Variants in ZNF800 observed in about 807,000 individuals in gnomAD.
The protein encoded by ZNF800 is zinc finger protein 800.
In ZNF800, 13 loss-of-function variants were observed where a neutral mutation model predicts 59.5. The observed-to-expected ratio is 0.22, with a 90% CI of 0.14 to 0.35. The LOEUF (loss-of-function observed/expected upper bound fraction) is 0.35, where lower values mean the gene tolerates loss of function less well. ZNF800 is among the 10% of genes least tolerant of loss of function. ZNF800 has a pLI of 1.00. For synonymous variants in ZNF800, 266 were observed against 265.7 expected, an observed-to-expected ratio of 1.00 and a Z score of -0.01; for missense variants, 621 against 783.7, an observed-to-expected ratio of 0.79 and a Z score of 2.48.
intron 3 of ZNF800, among the ~76,000 whole-genome samples, chr7:127,379,838 C>CCCCCCCCCCCCCCCCCCCG (rs1800907123): frequency 5.0e-5 from 1 of 20,092 alleles, no homozygotes; most frequent in Non-Finnish European, 9.8e-5. Flanking sequence ...CCCTTGCCAC[C>CCCCCCCCCCCCCCCCCCCG]CCCCCACCCC....
intron 4 of ZNF800, among the ~76,000 whole-genome samples, chr7:127,376,486 A>AT (rs1800790615): frequency 6.6e-6 from 1 of 151,962 alleles, no homozygotes; most frequent in South Asian, 2.1e-4. Flanking sequence ...CATCACACAG[A>AT]GACAATATGC....
chr7:127,367,518 T>C (rs984762730), downstream of ZNF800, among the ~76,000 whole-genome samples: 1 of 152,126 alleles, frequency 6.6e-6, no homozygotes, highest in East Asian at 1.9e-4. Context: ...ATTAGGGACA[T>C]TATGCATGAA....
chr7:127,377,405 T>C lies in ZNF800; in HGVS notation c.158-76A>G, dbSNP rs570397204. On this transcript the variant is annotated intron_variant, in intron 3 of 5. Coordinates refer to ENST00000265827, the MANE Select transcript of ZNF800 (RefSeq NM_176814.5). This position sits in a 1 kb window ranked among gnomAD's most constrained non-coding sequence, Gnocchi z 4.7. ...GCACTTTTAAACTGGACAACCACTG[T>C]TGACAGACCAAAAGTGCAGTTACTC... 2 of 1,258,290 alleles carry C rather than the reference T, an allele frequency of 1.6e-6. No individual in the cohort carries two copies. Among genetic ancestry groups the C allele is most frequent in the South Asian group, 1.5e-5 (1 of 66,032 alleles). The allele number at this position is 1,258,290 out of a possible 1,614,324, so 77.9% of individuals were successfully genotyped here.
intron 1 of ZNF800, chr7:127,360,542 T>G (rs1040303506): frequency 4.6e-5 from 7 of 152,058 alleles, no homozygotes; most frequent in African/African-American, 1.7e-4. Context: ...GTATGCCCAT[T>G]CTCCAAAGAG....
chr7:127,348,416 G>A (rs1800110249), intron 1 of ZNF800, among the ~76,000 whole-genome samples: 1 of 122,386 alleles, frequency 8.2e-6, no homozygotes. Context: ...AAAAAAAAAT[G>A]CCAGAAAAAA....
chr7:127,382,362 T>A (rs1390064963), intron 3 of ZNF800, among the ~76,000 whole-genome samples: 1 of 152,218 alleles, frequency 6.6e-6, no homozygotes, highest in Non-Finnish European at 1.5e-5. Context: ...ATAAAAGATA[T>A]TTAATAAATA....
downstream of ZNF800, among the ~76,000 whole-genome samples, chr7:127,345,965 G>A (rs1800056338): frequency 6.6e-6 from 1 of 152,208 alleles, no homozygotes; most frequent in Non-Finnish European, 1.5e-5. Flanking sequence ...ACTGGAGCAT[G>A]TGTGCAGGGA....
chr7:127,344,712 G>A (rs1201631578), downstream of ZNF800, among the ~76,000 whole-genome samples: 1 of 152,110 alleles, frequency 6.6e-6, no homozygotes, highest in African/African-American at 2.4e-5. Flanking sequence ...ACCGCTCCAA[G>A]TGTGTGTAGG....
intron 1 of ZNF800, among the ~76,000 whole-genome samples, chr7:127,356,480 T>C (rs1800272875): frequency 6.6e-6 from 1 of 152,018 alleles, no homozygotes; most frequent in South Asian, 2.1e-4. Flanking sequence ...TTTGTTACAA[T>C]CCTTCAAACA....
chr7:127,386,103 T>C lies in ZNF800; in HGVS notation c.114A>G (p.Thr38=). 6.2e-7 allele frequency: 1 copy of C among 1,612,162 alleles called. No homozygotes were observed. The highest frequency in any genetic ancestry group is 8.5e-7 in the Non-Finnish European group (1 of 1,178,864). Residue 38 remains threonine, a synonymous_variant, in exon 3 of 6, where the codon ACA becomes ACG. Coordinates refer to ENST00000265827, the MANE Select transcript of ZNF800 (RefSeq NM_176814.5). ...DPPLLQQPLQ[T]SKSGIQQIIE... ...TTATTTGTTGAATACCAGATTTGGA[T>C]GTCTGTAGTGGTTGCTGTAACAAAG...
At chr7:127,360,488 G>A (rs1800372488) in intron 1 of ZNF800, 1 of 152,058 alleles carries the variant, frequency 6.6e-6, no homozygotes, top group African/African-American at 2.4e-5. Context: ...CTTTATAGGA[G>A]ATTCAATAAT....
At chr7:127,367,451 T>C (rs573695361), downstream of ZNF800, among the ~76,000 whole-genome samples, 52 of 152,276 alleles carry the variant, frequency 3.4e-4, no homozygotes, top group Non-Finnish European at 6.9e-4. Context: ...CTATTTTCTG[T>C]TCCATAAAAC....
At chr7:127,380,759 C>A (rs145260500) in intron 3 of ZNF800, among the ~76,000 whole-genome samples, 10 of 152,344 alleles carry the variant, frequency 6.6e-5, no homozygotes, top group African/African-American at 2.4e-4. Flanking sequence ...TGACTTCCTT[C>A]TTCTTTTCCT....
chr7:127,384,200 C>A (rs889616522), intron 3 of ZNF800, among the ~76,000 whole-genome samples: 4 of 137,480 alleles, frequency 2.9e-5, no homozygotes, highest in Non-Finnish European at 6.2e-5. Context: ...CAAGTCAAAG[C>A]ACTTATGACT....
downstream of ZNF800, among the ~76,000 whole-genome samples, chr7:127,367,648 C>G (rs1800541537): frequency 1.3e-5 from 2 of 152,012 alleles, no homozygotes. Flanking sequence ...TTCCTAAAAA[C>G]AAGTGAAATC....
At chr7:127,390,898 T>G (rs1327126820) in intron 2 of ZNF800, among the ~76,000 whole-genome samples, 1 of 152,242 alleles carries the variant, frequency 6.6e-6, no homozygotes, top group African/African-American at 2.4e-5. Context: ...TTTCATTCCA[T>G]AAAATACCCT....
chr7:127,359,386 T>C (rs1409526994), intron 1 of ZNF800, among the ~76,000 whole-genome samples: 1 of 152,140 alleles, frequency 6.6e-6, no homozygotes, highest in Non-Finnish European at 1.5e-5. Context: ...AATTTAGTTA[T>C]TTAAAAGCTA....
In ZNF800 at chr7:127,370,845, T is replaced by A. The variant is rs994385734; in HGVS notation, c.*969A>T. On this transcript the variant is annotated 3_prime_UTR_variant, in exon 6 of 6. Coordinates refer to ENST00000265827, the MANE Select transcript of ZNF800 (RefSeq NM_176814.5). ...TAAATTTTACAGTAGGAATCAAATA[T>A]TATCTAAAGTGGTCCTTTAAGATTT... The A allele has an allele frequency of 6.6e-6, 1 of 152,548 alleles. No individual in the cohort carries two copies. The highest frequency in any genetic ancestry group is 2.4e-5 in the African/African-American group (1 of 41,460). The allele number at this position is 152,548 out of a possible 1,614,324, so 9.4% of individuals were successfully genotyped here.
intron 5 of ZNF800, among the ~76,000 whole-genome samples, chr7:127,372,071 T>G (rs575392707): frequency 2.0e-5 from 3 of 152,190 alleles, no homozygotes; most frequent in Non-Finnish European, 4.4e-5. Flanking sequence ...GGGACACAGG[T>G]ATAGAAGGTG....
Sources: allele counts gnomAD v4.1 joint callset (sites outside exome capture counted in the v4.1 genomes callset), GRCh38; gene constraint gnomAD v4.1.1; non-coding constraint Gnocchi (gnomAD v3.1); transcripts MANE v1.5; gene names NCBI Gene and HGNC (gene_info 2026-07-23, HGNC 2026-07-21).